The following NFYC variants were observed in gnomAD, a reference collection of about 807,000 sequenced individuals.
NFYC encodes the protein CAAT box DNA-binding protein subunit C.
NFYC carries 25 observed loss-of-function variants against 53.1 expected under a neutral mutation model. That is an observed-to-expected ratio of 0.47 (90% CI 0.34 to 0.66). The LOEUF is 0.66. Ranked by LOEUF, NFYC falls within the 30% of genes least tolerant of loss-of-function variation. The pLI, the probability that NFYC is intolerant of heterozygous loss-of-function variation, is 0.01. For missense variants in NFYC, 260 were observed against 422.7 expected (o/e 0.62, Z 3.38); for synonymous variants, 145 against 152.6 (o/e 0.95, Z 0.37).
chr1:40,696,288 G>A (rs1028889436), intron 1 of NFYC, among the ~76,000 whole-genome samples: 20 of 152,160 alleles, frequency 1.3e-4, no homozygotes, highest in African/African-American at 9.7e-5. Context: ...CTCCTGAAGT[G>A]GTGGGATTAC....
chr1:40,730,575 C>G (rs2148541636), intron 1 of NFYC: 1 of 985,250 alleles, frequency 1.0e-6, no homozygotes, highest in East Asian at 1.1e-4. Context: ...AAGATATGAT[C>G]AAAATGCAAG....
intron 1 of NFYC, among the ~76,000 whole-genome samples, chr1:40,714,167 AT>A (rs1644037345): frequency 6.6e-6 from 1 of 152,380 alleles, no homozygotes; most frequent in African/African-American, 2.4e-5. Context: ...GAACAAGCTA[AT>A]TCCCAAAAAA....
rs1387739069 is a variant in NFYC at position 40,758,233 on chromosome 1, C to T, written c.500C>T (p.Thr167Ile). 3 of 1,613,494 alleles carry T rather than the reference C, an allele frequency of 1.9e-6. No homozygotes were observed. The African/African-American group carries it at 4.0e-5, about 22-fold the overall frequency. Reference sequence around the variant, plus strand: ...GGCCAGCAGCAAGGCCAGCAGACCACCAGCTCCACGACCACCATCCAGCCT... The same window carrying T: ...GGCCAGCAGCAAGGCCAGCAGACCATCAGCTCCACGACCACCATCCAGCCT... ...VQGQQQGQQT[T>I]SSTTTIQPGQ... The change falls in exon 6 of 10, where the codon ACC (threonine) becomes ATC (isoleucine). Residue 167 changes from threonine (T) to isoleucine (I), a missense_variant. Thr to Ile is a moderately conservative substitution (Grantham distance 89). Transcript: ENST00000447388.
At chr1:40,698,724 T>C (rs754109902) in intron 1 of NFYC, among the ~76,000 whole-genome samples, 7 of 151,800 alleles carry the variant, frequency 4.6e-5, no homozygotes, top group African/African-American at 7.3e-5. Context: ...TTAAAGCCAA[T>C]AGTATATCCT....
intron 5 of NFYC, 83 bp from the exon 6 acceptor site, chr1:40,758,038 G>C: frequency 1.3e-6 from 2 of 1,520,040 alleles, no homozygotes; most frequent in Non-Finnish European, 1.8e-6. Flanking sequence ...CACATAGCCT[G>C]TTTGGGGGAA....
rs75214482 is a variant in NFYC at position 40,693,510 on chromosome 1, T to C, written c.-9+1643T>C. ...CCTAGGGTTTTCAAATTTAGTTTTA[T>C]GTGAATGCAACTACATTTTCTGGAG... On this transcript the variant is annotated intron_variant, in intron 1 of 9. Transcript: ENST00000447388. Among the ~76,000 whole-genome samples, 416 of 152,368 alleles carry C rather than the reference T, an allele frequency of 2.7e-3. 2 individuals are homozygous for C. Among genetic ancestry groups the C allele is most frequent in the African/African-American group, 9.5e-3 (397 of 41,588 alleles).
At chr1:40,747,244 GAA>G (rs11377810) in intron 2 of NFYC, among the ~76,000 whole-genome samples, 1 of 133,974 alleles carries the variant, frequency 7.5e-6, no homozygotes, top group Non-Finnish European at 1.6e-5. Flanking sequence ...TTGTGCTGAC[GAA>G]AAAAAAAAAA....
chr1:40,727,235 G>T (rs1225469467), intron 1 of NFYC, among the ~76,000 whole-genome samples: 2 of 151,928 alleles, frequency 1.3e-5, no homozygotes, highest in African/African-American at 2.4e-5. Context: ...TTGGTTGGTT[G>T]GTTTTTGAGA....
chr1:40,709,552 G>A (rs1200587287), intron 1 of NFYC: 2 of 152,322 alleles, frequency 1.3e-5, no homozygotes, highest in East Asian at 1.9e-4. Flanking sequence ...AGGGATAGGA[G>A]TGACTTAAAT....
chr1:40,732,368 C>T (rs1644813670), intron 1 of NFYC, among the ~76,000 whole-genome samples: 1 of 152,178 alleles, frequency 6.6e-6, no homozygotes, highest in South Asian at 2.1e-4. Context: ...GTTCCATGCC[C>T]AGGCATATCA....
intron 1 of NFYC, chr1:40,735,707 A>G: frequency 4.1e-6 from 4 of 985,428 alleles, no homozygotes; most frequent in Non-Finnish European, 4.8e-6. Context: ...TGCATGGCAG[A>G]TTGTGCCAAG....
intron 8 of NFYC, 55 bp downstream of exon 8, chr1:40,766,758 T>C (rs1646830829): frequency 6.4e-7 from 1 of 1,570,718 alleles, no homozygotes; most frequent in Non-Finnish European, 8.8e-7. Flanking sequence ...AGATGGCTTC[T>C]GACAGGAAAG....
At chr1:40,736,820 CAAAAAAAAAAAAA>C (rs71060396) in intron 1 of NFYC, among the ~76,000 whole-genome samples, 8 of 63,686 alleles carry the variant, frequency 1.3e-4, no homozygotes, top group Admixed American at 2.1e-4. Flanking sequence ...AAACTTATTC[CAAAAAAAAAAAAA>C]AAAAAAAAAA....
At chr1:40,736,874 C>CCCAG (rs927787473) in intron 1 of NFYC, among the ~76,000 whole-genome samples, 3 of 144,746 alleles carry the variant, frequency 2.1e-5, no homozygotes, top group African/African-American at 7.7e-5. Flanking sequence ...CGCCTGTAAT[C>CCCAG]CCAGCACTTT....
chr1:40,698,460 T>G lies in NFYC; in HGVS notation c.-9+6593T>G, dbSNP rs550669215. Reference sequence around the variant, plus strand: ...ATTTATTTATTTGCTGGAGTCTTGCTCTGTCGCCCAGGCTGGAGTGCAGTG... The same window carrying G: ...ATTTATTTATTTGCTGGAGTCTTGCGCTGTCGCCCAGGCTGGAGTGCAGTG... On this transcript the variant is annotated intron_variant, in intron 1 of 9. Coordinates refer to ENST00000447388, the MANE Select transcript of NFYC (RefSeq NM_014223.5). 6.9e-4 allele frequency among the ~76,000 whole-genome samples: 105 copies of G among 152,022 alleles called. No individual in the cohort carries two copies. In the South Asian group the frequency reaches 0.017, roughly 24 times the overall value.
At chr1:40,728,855 C>G (rs953493845) in intron 1 of NFYC, among the ~76,000 whole-genome samples, 1 of 152,128 alleles carries the variant, frequency 6.6e-6, no homozygotes, top group Admixed American at 6.5e-5. Flanking sequence ...CCAGGCTGGT[C>G]TCGAACTCCT....
At chr1:40,698,743 C>G (rs75028552) in intron 1 of NFYC, among the ~76,000 whole-genome samples, 34 of 152,086 alleles carry the variant, frequency 2.2e-4, no homozygotes, top group African/African-American at 2.4e-4. Flanking sequence ...CTTTGCCTCC[C>G]GGGTTCAAGT....
intron 1 of NFYC, among the ~76,000 whole-genome samples, chr1:40,728,315 G>T (rs1235628881): frequency 1.3e-5 from 2 of 152,122 alleles, no homozygotes; most frequent in Non-Finnish European, 2.9e-5. Flanking sequence ...TACTAATCTC[G>T]GCTGGGCGCG....
At chr1:40,737,321 AT>A (rs1645085982) in intron 1 of NFYC, among the ~76,000 whole-genome samples, 1 of 134,584 alleles carries the variant, frequency 7.4e-6, no homozygotes, top group Admixed American at 7.8e-5. Context: ...CTCTATCCTA[AT>A]TTTAATTCTA....
Sources: allele counts gnomAD v4.1 joint callset (sites outside exome capture counted in the v4.1 genomes callset), GRCh38; gene constraint gnomAD v4.1.1; transcripts MANE v1.5; gene names NCBI Gene and HGNC (gene_info 2026-07-23, HGNC 2026-07-21).